Variants in XKR6 observed in about 807,000 individuals in gnomAD.
XKR6 encodes XK related 6.
In XKR6, 22 loss-of-function variants were observed where a neutral mutation model predicts 56.7. That is an observed-to-expected ratio of 0.39 (90% CI 0.28 to 0.55). The LOEUF is 0.55. Among genes scored for constraint, XKR6 ranks in the 20% least tolerant of loss-of-function variants. The pLI is 0.66. For missense variants in XKR6, 852 were observed against 889.0 expected, an observed-to-expected ratio of 0.96 and a Z score of 0.53; for synonymous variants, 524 against 387.8, an observed-to-expected ratio of 1.35 and a Z score of -4.13.
intron 1 of XKR6, among the ~76,000 whole-genome samples, chr8:10,995,693 CAAA>C (rs33957321): frequency 5.2e-5 from 6 of 114,958 alleles, no homozygotes; most frequent in Admixed American, 9.4e-5. Flanking sequence ...ATCTCCCCAC[CAAA>C]AAAAAAAAAA....
chr8:11,019,508 A>G (rs1798701616), intron 1 of XKR6, among the ~76,000 whole-genome samples: 2 of 152,162 alleles, frequency 1.3e-5, no homozygotes, highest in South Asian at 4.2e-4. Flanking sequence ...GGGGATGGAG[A>G]CAGGGCAGCC....
chr8:11,132,404 G>C lies in XKR6; in HGVS notation c.764+68172C>G, dbSNP rs557934986. ...GACGGAATCTTGCTCTGTCACCCAG[G>C]CTGGAGTGTGGTGGTGCAATCTCGG... On this transcript the variant is annotated intron_variant, in intron 1 of 2. Transcript: ENST00000416569. Among the ~76,000 whole-genome samples the C allele has an allele frequency of 1.1e-4, 17 of 151,762 alleles. No individual in the cohort carries two copies. The South Asian group carries it at 2.3e-3, about 21-fold the overall frequency.
intron 1 of XKR6, among the ~76,000 whole-genome samples, chr8:11,038,024 T>TAAAAA (rs34286744): frequency 7.5e-6 from 1 of 132,462 alleles, no homozygotes. Flanking sequence ...CAGATATATC[T>TAAAAA]AAAAAAAAAA....
chr8:11,200,815 C>T lies in XKR6; in HGVS notation c.525G>A (p.Leu175=). The T allele has an allele frequency of 6.2e-7, 1 of 1,611,774 alleles. No homozygotes were observed. The highest frequency in any genetic ancestry group is 1.3e-5 in the African/African-American group (1 of 74,854). Residue 175 remains leucine, a synonymous_variant, in exon 1 of 3, where the codon CTG becomes CTA. Transcript: ENST00000416569. This position sits in a 1 kb window ranked among gnomAD's most constrained non-coding sequence, Gnocchi z 6.4. ...ACCAGCGGAAGCTCAGGCTCTGCAC[C>T]AGCAGCGACGGCACCAGCACGAAGA... is the stretch of plus-strand genomic sequence containing the variant. ...TLFFVLVPSL[L]VQSLSFRWFV...
At chr8:11,045,495 G>C (rs1799390601) in intron 1 of XKR6, among the ~76,000 whole-genome samples, 1 of 151,936 alleles carries the variant, frequency 6.6e-6, no homozygotes, top group Admixed American at 6.6e-5. Context: ...TACTTCTTAG[G>C]GTCTGTGTGA....
intron 1 of XKR6, among the ~76,000 whole-genome samples, chr8:11,013,477 C>G (rs1341597898): frequency 6.6e-6 from 1 of 152,210 alleles, no homozygotes; most frequent in Non-Finnish European, 1.5e-5. Flanking sequence ...TCTAGGGACT[C>G]TGTCTGGGTC....
At chr8:10,976,583 C>G (rs1033992856) in intron 1 of XKR6, among the ~76,000 whole-genome samples, 1 of 152,128 alleles carries the variant, frequency 6.6e-6, no homozygotes, top group Non-Finnish European at 1.5e-5. Flanking sequence ...TGCTATGTGC[C>G]AAACGATGGT....
At chr8:11,169,150 C>T (rs1802237011) in intron 1 of XKR6, among the ~76,000 whole-genome samples, 1 of 152,144 alleles carries the variant, frequency 6.6e-6, no homozygotes, top group Admixed American at 6.5e-5. Context: ...CCATAAAAAC[C>T]CCAAATCTAG....
intron 1 of XKR6, among the ~76,000 whole-genome samples, chr8:10,988,837 G>A (rs1368911989): frequency 3.9e-5 from 6 of 152,226 alleles, no homozygotes; most frequent in African/African-American, 1.4e-4. Flanking sequence ...GATTCTATCA[G>A]AGGCCTGCTG....
intron 1 of XKR6, among the ~76,000 whole-genome samples, chr8:11,122,622 A>G (rs941730042): frequency 6.6e-6 from 1 of 152,250 alleles, no homozygotes; most frequent in Non-Finnish European, 1.5e-5. Flanking sequence ...TATCAGGCCA[A>G]TTCTTTAGGT....
intron 1 of XKR6, among the ~76,000 whole-genome samples, chr8:10,975,952 A>G (rs1364815423): frequency 6.6e-6 from 1 of 152,198 alleles, no homozygotes; most frequent in Non-Finnish European, 1.5e-5. Context: ...AGACGGGCAG[A>G]TCACGAGATC....
At chr8:11,100,804 A>G (rs918146102) in intron 1 of XKR6, among the ~76,000 whole-genome samples, 1 of 152,196 alleles carries the variant, frequency 6.6e-6, no homozygotes, top group Non-Finnish European at 1.5e-5. Flanking sequence ...TTTGGCTATG[A>G]TTTGTCCCAA....
intron 1 of XKR6, 134 bp from the exon 2 acceptor site, chr8:10,924,964 G>A: frequency 4.1e-6 from 4 of 985,046 alleles, no homozygotes; most frequent in Non-Finnish European, 2.9e-6. Context: ...CCAGAGGCTT[G>A]GACGGGGCTC....
chr8:11,040,221 C>T (rs144638050), intron 1 of XKR6, among the ~76,000 whole-genome samples: 22 of 152,134 alleles, frequency 1.4e-4, no homozygotes, highest in East Asian at 1.2e-3. Flanking sequence ...CCCAAGGCTC[C>T]GGCCCTGCCT....
chr8:11,135,326 G>T (rs574588087), intron 1 of XKR6, among the ~76,000 whole-genome samples: 1 of 152,182 alleles, frequency 6.6e-6, no homozygotes, highest in South Asian at 2.1e-4. Flanking sequence ...ACCATGCCCG[G>T]CCAAAAAGCC....
At chr8:11,059,374 C>A (rs550631088) in intron 1 of XKR6, among the ~76,000 whole-genome samples, 1 of 152,352 alleles carries the variant, frequency 6.6e-6, no homozygotes, top group South Asian at 2.1e-4. Flanking sequence ...CCCTCTCCAG[C>A]CCCCAGCGAA....
intron 1 of XKR6, among the ~76,000 whole-genome samples, chr8:11,068,980 A>G (rs1165961884): frequency 3.3e-5 from 5 of 151,994 alleles, no homozygotes; most frequent in Non-Finnish European, 7.4e-5. Context: ...CACTTCTCCC[A>G]CTGCTCCATG....
chr8:11,178,546 AAATATATATATATATATATATATATATG>A (rs1317176948), intron 1 of XKR6, among the ~76,000 whole-genome samples: 3 of 60,060 alleles, frequency 5.0e-5, no homozygotes, highest in Admixed American at 1.3e-4. Flanking sequence ...TGAGAGGTAA[AAATATATATATATATATATATATATATG>A]TATATATATA....
At chr8:10,928,069 A>T (rs1169142438) in intron 1 of XKR6, among the ~76,000 whole-genome samples, 1 of 152,156 alleles carries the variant, frequency 6.6e-6, no homozygotes, top group Non-Finnish European at 1.5e-5. Context: ...CACAGTACAC[A>T]ACCGAGGGGT....
Sources: gnomAD v4.1 joint callset for allele counts (sites outside exome capture counted in the v4.1 genomes callset) on GRCh38, gnomAD v4.1.1 for gene constraint, Gnocchi (gnomAD v3.1) non-coding constraint, MANE v1.5 for transcripts, NCBI Gene and HGNC (gene_info 2026-07-23, HGNC 2026-07-21) for gene names.